CMIP: variants seen among roughly 807,000 people sequenced by gnomAD.
The protein encoded by CMIP is C-Maf-inducing protein.
In CMIP, 13 loss-of-function variants were observed where a neutral mutation model predicts 97.3. The observed-to-expected ratio is 0.13, with a 90% CI of 0.09 to 0.21. The LOEUF (loss-of-function observed/expected upper bound fraction) is 0.21, where lower values mean the gene tolerates loss of function less well. Among genes scored for constraint, CMIP ranks in the 10% least tolerant of loss-of-function variants. The pLI is 1.00. For synonymous variants in CMIP, 538 were observed against 436.3 expected (o/e 1.23, Z -2.91); for missense variants, 847 against 1,024.9 (o/e 0.83, Z 2.37).
chr16:81,693,428 G>A lies in CMIP; in HGVS notation c.1482-11G>A, dbSNP rs773716334. 32 of 1,610,236 alleles carry A rather than the reference G, an allele frequency of 2.0e-5. 1 individual carries two copies. Among genetic ancestry groups the A allele is most frequent in the Middle Eastern group, 1.6e-4 (1 of 6,080 alleles). ...CCCCGGCAGTAACTCCGGCCGCCTCGTCTCTTCCAGGGAACTGAAGTACGT... is the reference window on the plus strand; with the variant it reads ...CCCCGGCAGTAACTCCGGCCGCCTCATCTCTTCCAGGGAACTGAAGTACGT... On this transcript the variant is annotated splice_polypyrimidine_tract_variant and intron_variant, in intron 12 of 20. Transcript: ENST00000537098.
chr16:81,709,726 A>G lies in CMIP; in HGVS notation c.2269-20A>G. On this transcript the variant is annotated intron_variant, in intron 20 of 20. Coordinates refer to ENST00000537098, the MANE Select transcript of CMIP (RefSeq NM_198390.3). Reference sequence around the variant, plus strand: ...AGGGAATGGCCTACACGTGACAAGGACTCTTATTGCCACCCCCAGGCCAAG... The same window carrying G: ...AGGGAATGGCCTACACGTGACAAGGGCTCTTATTGCCACCCCCAGGCCAAG... The G allele has an allele frequency of 6.2e-7, 1 of 1,613,494 alleles. No homozygotes were observed. Among genetic ancestry groups the G allele is most frequent in the Non-Finnish European group, 8.5e-7 (1 of 1,179,690 alleles).
At chr16:81,671,860 G>A in intron 8 of CMIP, 106 bp from the exon 9 acceptor site, 1 of 588,294 alleles carries the variant, frequency 1.7e-6, no homozygotes, top group Non-Finnish European at 3.1e-6. Flanking sequence ...GGCGCTGGCA[G>A]AGCGGGCAGC....
intron 3 of CMIP, among the ~76,000 whole-genome samples, chr16:81,649,912 C>T (rs553726866): frequency 7.6e-4 from 116 of 152,316 alleles, no homozygotes; most frequent in African/African-American, 2.6e-3. Context: ...TCCTCTGGAG[C>T]GGGTAGGGTT....
At chr16:81,691,214 G>C (rs966380680) in intron 10 of CMIP, among the ~76,000 whole-genome samples, 3 of 152,214 alleles carry the variant, frequency 2.0e-5, no homozygotes, top group South Asian at 2.1e-4. Context: ...ATCAAGGTGT[G>C]GGCAGGGCTG....
At chr16:81,599,563 G>A (rs553150553) in intron 1 of CMIP, among the ~76,000 whole-genome samples, 1 of 152,318 alleles carries the variant, frequency 6.6e-6, no homozygotes, top group East Asian at 1.9e-4. Flanking sequence ...TTTGGCTGTG[G>A]TCCCAGCTCC....
chr16:81,664,313 C>T lies in CMIP; in HGVS notation c.789C>T (p.Phe263=). 6 of 1,601,738 alleles carry T rather than the reference C, an allele frequency of 3.7e-6. No individual in the cohort carries two copies. The highest frequency in any genetic ancestry group is 4.3e-6 in the Non-Finnish European group (5 of 1,174,760). The change falls in exon 7 of 21, where the codon TTC becomes TTT. Residue 263 remains phenylalanine (F), a synonymous_variant. Transcript: ENST00000537098. ...RPRSMVVIEV[F]TPVVQRILKH... is the part of the protein sequence containing the mutation. ...GGTCCATGGTGGTCATCGAGGTGTT[C>T]ACCCCCGTGGTGCAGCGAATCCTCA...
At chr16:81,539,201 G>A (rs982094822) in intron 1 of CMIP, among the ~76,000 whole-genome samples, 2 of 152,190 alleles carry the variant, frequency 1.3e-5, no homozygotes, top group African/African-American at 4.8e-5. Flanking sequence ...AATGCTTGCA[G>A]CAGGGATTTT....
chr16:81,618,213 G>A (rs992692277), intron 2 of CMIP, among the ~76,000 whole-genome samples: 2 of 152,148 alleles, frequency 1.3e-5, no homozygotes, highest in East Asian at 1.9e-4. Context: ...GGGCTAAAAC[G>A]AAGGTGTCAG....
chr16:81,512,999 A>G (rs941905545), intron 1 of CMIP, among the ~76,000 whole-genome samples: 1 of 152,156 alleles, frequency 6.6e-6, no homozygotes, highest in African/African-American at 2.4e-5. Flanking sequence ...AGCGTCCCAA[A>G]GTGCTGGGAT....
rs1223118300 is a variant in CMIP at position 81,445,204 on chromosome 16, C to T, written c.-38C>T. On this transcript the variant is annotated 5_prime_UTR_variant, in exon 1 of 21. Coordinates refer to ENST00000537098, the MANE Select transcript of CMIP (RefSeq NM_198390.3). Reference sequence around the variant, plus strand: ...GCCGCCCCAGCAGCCCAGGACAGCCCCCTCTCCCCGCCCCCAGCCCCCTCC... The same window carrying T: ...GCCGCCCCAGCAGCCCAGGACAGCCTCCTCTCCCCGCCCCCAGCCCCCTCC... The T allele has an allele frequency of 6.4e-6, 9 of 1,413,046 alleles. No individual in the cohort carries two copies. The highest frequency in any genetic ancestry group is 4.6e-5 in the Admixed American group (2 of 43,822). The allele number at this position is 1,413,046 out of a possible 1,614,324, so 87.5% of individuals were successfully genotyped here. A position where few individuals can be genotyped will look rare whatever the true frequency, so the allele number is the denominator to read the frequency against.
At chr16:81,460,053 C>G (rs1906810594) in intron 1 of CMIP, among the ~76,000 whole-genome samples, 1 of 152,194 alleles carries the variant, frequency 6.6e-6, no homozygotes. Flanking sequence ...CACTGAGTCC[C>G]CACAAGGCCT....
rs1459317593 is a variant in CMIP at position 81,710,801 on chromosome 16, C to T, written c.*1002C>T. On this transcript the variant is annotated 3_prime_UTR_variant, in exon 21 of 21. Coordinates refer to ENST00000537098, the MANE Select transcript of CMIP (RefSeq NM_198390.3). ...GAATGGGAGGCTGCTAACCCGCCCT[C>T]TCCAGTCCACCCCGGTAAAAGAGCT... is the stretch of plus-strand genomic sequence containing the variant. The T allele has an allele frequency of 6.6e-6, 1 of 152,212 alleles. No homozygotes were observed. Among genetic ancestry groups the T allele is most frequent in the African/African-American group, 2.4e-5 (1 of 41,412 alleles). The allele number at this position is 152,212 out of a possible 1,614,324, so 9.4% of individuals were successfully genotyped here.
At chr16:81,557,329 T>C (rs2090783757) in intron 1 of CMIP, among the ~76,000 whole-genome samples, 1 of 146,734 alleles carries the variant, frequency 6.8e-6, no homozygotes, top group African/African-American at 2.4e-5. Context: ...TTGAATTTAC[T>C]GATGTTGGTT....
chr16:81,690,242 G>A (rs1002280559), intron 10 of CMIP, among the ~76,000 whole-genome samples: 6 of 152,254 alleles, frequency 3.9e-5, no homozygotes, highest in African/African-American at 1.4e-4. Flanking sequence ...AAATTACCTT[G>A]GGCAGTATGG....
chr16:81,681,697 T>A (rs1904892030), intron 10 of CMIP, among the ~76,000 whole-genome samples: 1 of 152,178 alleles, frequency 6.6e-6, no homozygotes, highest in Non-Finnish European at 1.5e-5. Context: ...CACATGGCAT[T>A]TATTGCACAC....
intron 14 of CMIP, among the ~76,000 whole-genome samples, chr16:81,699,318 A>C (rs1907116238): frequency 6.6e-6 from 1 of 152,242 alleles, no homozygotes; most frequent in African/African-American, 2.4e-5. Context: ...ATTGCATTCT[A>C]GTCAGCTTTT....
chr16:81,549,582 T>G (rs182182019), intron 1 of CMIP, among the ~76,000 whole-genome samples: 1 of 152,090 alleles, frequency 6.6e-6, no homozygotes, highest in African/African-American at 2.4e-5. Context: ...CGGCCCTGAG[T>G]GAAATGCCAG....
At position 81,652,162 on chromosome 16, in the gene CMIP, C is replaced by T. The variant is rs763883036; in HGVS notation, c.478-41C>T. 1.8e-5 allele frequency: 28 copies of T among 1,526,648 alleles called. No individual in the cohort carries two copies. Among genetic ancestry groups the T allele is most frequent in the East Asian group, 4.5e-5 (2 of 44,436 alleles). 94.6% of individuals were successfully genotyped at this position (1,526,648 alleles called of 1,614,324 possible). The stretch of plus-strand genomic sequence containing the variant: ...TGTCTTCCATCTTCTGCCTTCCTTA[C>T]GTGAGTAACATGTTGCTGTCTCTTT... On this transcript the variant is annotated intron_variant, in intron 3 of 20. Coordinates refer to ENST00000537098, the MANE Select transcript of CMIP (RefSeq NM_198390.3). The surrounding 1 kb of genome is among the most constrained non-coding windows in gnomAD (Gnocchi z 5.2).
At chr16:81,607,779 G>C (rs1025968855) in intron 2 of CMIP, 87 bp downstream of exon 2, 23 of 1,397,704 alleles carry the variant, frequency 1.6e-5, no homozygotes, top group African/African-American at 2.9e-5. Context: ...GGAGCCAGCA[G>C]CTATCAAGAG....
Sources: gnomAD v4.1 joint callset for allele counts (sites outside exome capture counted in the v4.1 genomes callset) on GRCh38, gnomAD v4.1.1 for gene constraint, Gnocchi (gnomAD v3.1) non-coding constraint, MANE v1.5 for transcripts, NCBI Gene and HGNC (gene_info 2026-07-23, HGNC 2026-07-21) for gene names.